GYG1: variants seen among roughly 807,000 people sequenced by gnomAD.
GYG1 encodes the protein glycogenin-1.
GYG1 carries 44 observed loss-of-function variants against 41.9 expected under a neutral mutation model. The observed-to-expected ratio is 1.05, with a 90% CI of 0.83 to 1.35. The LOEUF (loss-of-function observed/expected upper bound fraction) is 1.35, where lower values mean the gene tolerates loss of function less well. Ranked by LOEUF, GYG1 falls within the 40% of genes most tolerant of loss-of-function variation. The pLI, the probability that GYG1 is intolerant of heterozygous loss-of-function variation, is 0.00. For missense variants in GYG1, 429 were observed against 418.9 expected (o/e 1.02, Z -0.21); for synonymous variants, 141 against 158.1 (o/e 0.89, Z 0.81).
intron 6 of GYG1, among the ~76,000 whole-genome samples, chr3:149,025,389 G>A (rs1714598072): frequency 6.6e-6 from 1 of 152,186 alleles, no homozygotes; most frequent in African/African-American, 2.4e-5. Context: ...AGCTCAGGTG[G>A]TAATTCTTAC....
rs767034971 is a variant in GYG1 at position 149,024,064 on chromosome 3, G to A, written c.620G>A (p.Ser207Asn). 11 of 1,613,866 alleles carry A rather than the reference G, an allele frequency of 6.8e-6. No homozygotes were observed. The highest frequency in any genetic ancestry group is 7.6e-6 in the Non-Finnish European group (9 of 1,179,724). Residue 207 changes from serine (S) to asparagine (N), a missense_variant, in exon 6 of 8, where the codon AGT becomes AAT. By Grantham distance (46) the Ser-to-Asn change is conservative (BLOSUM62 1). Transcript: ENST00000345003. ...CGTTCACTTGGCAGGTTTGGTGCAA[G>A]TGCCAAAGTTGTGCATTTCCTGGGA... ...YLPAFKVFGA[S>N]AKVVHFLGRV...
intron 4 of GYG1, chr3:149,007,878 T>C (rs1713489633): frequency 6.6e-6 from 1 of 151,952 alleles, no homozygotes; most frequent in Non-Finnish European, 1.5e-5. Context: ...TGGTTCTGAG[T>C]GTGTTTTCTG....
chr3:149,016,261 AAAAAAAAAAAAAAAACAAAAAAG>A (rs1714025426), intron 5 of GYG1, among the ~76,000 whole-genome samples: 2 of 61,530 alleles, frequency 3.3e-5, no homozygotes, highest in East Asian at 4.4e-4. Flanking sequence ...ACTCCGTCTC[AAAAAAAAAAAAAAAACAAAAAAG>A]AAAAAAAAAA....
intron 4 of GYG1, among the ~76,000 whole-genome samples, chr3:149,006,276 T>C (rs2107898993): frequency 6.6e-6 from 1 of 151,956 alleles, no homozygotes; most frequent in Admixed American, 6.6e-5. Flanking sequence ...AGAGACGGGG[T>C]TTCACCATAT....
chr3:148,996,597 G>A, intron 3 of GYG1, 121 bp downstream of exon 3: 1 of 1,203,196 alleles, frequency 8.3e-7, no homozygotes, highest in Non-Finnish European at 1.2e-6. Context: ...CCACTGTCAT[G>A]AAATATGTCA....
At chr3:149,013,242 G>GT (rs1287166308) in intron 5 of GYG1, among the ~76,000 whole-genome samples, 14 of 151,748 alleles carry the variant, frequency 9.2e-5, no homozygotes, top group African/African-American at 1.9e-4. Flanking sequence ...TAATAAATAC[G>GT]TTTTTTTAAG....
At chr3:149,005,796 G>T (rs1713368563) in intron 4 of GYG1, among the ~76,000 whole-genome samples, 1 of 152,250 alleles carries the variant, frequency 6.6e-6, no homozygotes, top group East Asian at 1.9e-4. Context: ...GCAGTTGTAA[G>T]AAATAATACA....
chr3:149,024,326 G>T, intron 6 of GYG1, 54 bp downstream of exon 6: 2 of 1,080,032 alleles, frequency 1.9e-6, no homozygotes, highest in Non-Finnish European at 2.9e-6. Context: ...TAAAAAAATT[G>T]TTGTATCAAT....
At chr3:148,991,853 G>A (rs958358834) in intron 1 of GYG1, among the ~76,000 whole-genome samples, 1 of 152,216 alleles carries the variant, frequency 6.6e-6, no homozygotes, top group African/African-American at 2.4e-5. Context: ...TGGGGCAGCC[G>A]GGCAGAGCCC....
intron 4 of GYG1, among the ~76,000 whole-genome samples, chr3:149,005,315 AAG>A (rs1245318072): frequency 6.6e-6 from 1 of 152,148 alleles, no homozygotes; most frequent in Non-Finnish European, 1.5e-5. Flanking sequence ...TAATAGGAAA[AAG>A]AGGGGGGAAG....
intron 5 of GYG1, among the ~76,000 whole-genome samples, chr3:149,019,653 G>A (rs974833742): frequency 1.1e-4 from 17 of 152,228 alleles, no homozygotes; most frequent in African/African-American, 4.1e-4. Context: ...ATTTGAGGAA[G>A]GAGGATCCTT....
chr3:149,009,164 A>AG (rs1713574817), intron 4 of GYG1, 112 bp from the exon 5 acceptor site: 2 of 907,316 alleles, frequency 2.2e-6, no homozygotes, highest in South Asian at 3.1e-5. Flanking sequence ...GTCTCAAAAA[A>AG]AAAAAAAAAA....
rs951048557 is a variant in GYG1, at chr3:148,994,120, T to G, written c.8-22T>G. The stretch of plus-strand genomic sequence containing the variant: ...TCCAGATAAGATACTGTAATGAGTG[T>G]TTTTTTTTTCTTTGTATTAAGATCA... On this transcript the variant is annotated intron_variant, in intron 1 of 7. Transcript: ENST00000345003. 6 of 1,535,534 alleles carry G rather than the reference T, an allele frequency of 3.9e-6. No individual in the cohort carries two copies. The African/African-American group carries it at 7.2e-5, about 18-fold the overall frequency.
rs1714915782 is a variant in GYG1, at chr3:149,030,490, T to G, written c.*3557T>G. The G allele has an allele frequency of 6.6e-6, 1 of 152,206 alleles. No homozygotes were observed. The highest frequency in any genetic ancestry group is 1.5e-5 in the Non-Finnish European group (1 of 68,024). The allele number at this position is 152,206 out of a possible 1,614,324, so 9.4% of individuals were successfully genotyped here. On this transcript the variant is annotated 3_prime_UTR_variant, in exon 8 of 8. Coordinates refer to ENST00000345003, the MANE Select transcript of GYG1 (RefSeq NM_004130.4). ...AGAAGCAAGCTGTCCTCCCTTTACC[T>G]TCATAGTGAGTTTGTAAGGCTTTGT...
chr3:149,005,332 AT>A (rs1713328796), intron 4 of GYG1, among the ~76,000 whole-genome samples: 2 of 152,214 alleles, frequency 1.3e-5, no homozygotes, highest in Admixed American at 1.3e-4. Flanking sequence ...GGGAAGGAAC[AT>A]CTATTACACC....
intron 4 of GYG1, among the ~76,000 whole-genome samples, chr3:149,003,574 A>G (rs1220177935): frequency 6.6e-6 from 1 of 152,192 alleles, no homozygotes; most frequent in Non-Finnish European, 1.5e-5. Flanking sequence ...ATCCTTTGTT[A>G]TAATAAAGAA....
At chr3:148,999,931 A>G (rs1372953132) in intron 4 of GYG1, among the ~76,000 whole-genome samples, 1 of 152,164 alleles carries the variant, frequency 6.6e-6, no homozygotes, top group East Asian at 1.9e-4. Flanking sequence ...CAGTGTGAAT[A>G]TCTCGCAGGT....
chr3:149,018,006 G>A (rs1714169709), intron 5 of GYG1, among the ~76,000 whole-genome samples: 1 of 152,022 alleles, frequency 6.6e-6, no homozygotes, highest in African/African-American at 2.4e-5. Context: ...AATATTCTGG[G>A]TTAGCCTTTT....
chr3:149,000,133 ACT>A (rs1362676495), intron 4 of GYG1, among the ~76,000 whole-genome samples: 1 of 152,048 alleles, frequency 6.6e-6, no homozygotes, highest in Non-Finnish European at 1.5e-5. Context: ...CTATTCTGTG[ACT>A]CTGGCCAAGA....
Sources: gnomAD v4.1 joint callset for allele counts (sites outside exome capture counted in the v4.1 genomes callset) on GRCh38, gnomAD v4.1.1 for gene constraint, MANE v1.5 for transcripts, NCBI Gene and HGNC (gene_info 2026-07-23, HGNC 2026-07-21) for gene names.